CDH13: variants seen among roughly 807,000 people sequenced by gnomAD.
CDH13 encodes the protein cadherin 13, also known as cadherin-13.
Under a neutral mutation model 63.8 loss-of-function variants are expected in CDH13, and 24 were observed. The ratio of observed to expected loss-of-function variants is 0.38; its 90% CI spans 0.27 to 0.53. The LOEUF is 0.53. CDH13 is among the 20% of genes least tolerant of loss of function. The pLI is 0.85. For synonymous variants in CDH13, 503 were observed against 355.3 expected, an observed-to-expected ratio of 1.42 and a Z score of -4.67; for missense variants, 1,049 against 903.1, an observed-to-expected ratio of 1.16 and a Z score of -2.07.
intron 2 of CDH13, among the ~76,000 whole-genome samples, chr16:82,964,077 G>C (rs897166253): frequency 6.6e-6 from 1 of 152,156 alleles, no homozygotes; most frequent in African/African-American, 2.4e-5. Flanking sequence ...GATTTGTACA[G>C]TATGACCCTC....
intron 6 of CDH13, among the ~76,000 whole-genome samples, chr16:83,461,522 C>T (rs946992157): frequency 2.6e-5 from 4 of 152,166 alleles, no homozygotes; most frequent in Non-Finnish European, 4.4e-5. Context: ...GTGAGACCCC[C>T]GCCTTTGTTA....
At chr16:83,417,067 G>A (rs1031307267) in intron 6 of CDH13, among the ~76,000 whole-genome samples, 3 of 152,064 alleles carry the variant, frequency 2.0e-5, no homozygotes, top group South Asian at 2.1e-4. Flanking sequence ...ACTTATCATG[G>A]GAATGATCCT....
chr16:82,845,969 A>T (rs2039239551), intron 1 of CDH13, among the ~76,000 whole-genome samples: 3 of 152,234 alleles, frequency 2.0e-5, no homozygotes, highest in South Asian at 2.1e-4. Context: ...AATTCCATTT[A>T]GACAAAAATT....
chr16:82,956,748 T>C (rs1419997958), intron 2 of CDH13, among the ~76,000 whole-genome samples: 2 of 152,206 alleles, frequency 1.3e-5, no homozygotes, highest in Non-Finnish European at 2.9e-5. Context: ...TTCTTTCACA[T>C]TGGAAAGTTT....
At chr16:82,663,340 C>T (rs565418186) in intron 1 of CDH13, among the ~76,000 whole-genome samples, 26 of 152,168 alleles carry the variant, frequency 1.7e-4, no homozygotes, top group Admixed American at 1.3e-4. Flanking sequence ...GCATGCAGCA[C>T]CAGGCCCGGC....
chr16:83,370,820 G>A (rs140788265), intron 6 of CDH13, among the ~76,000 whole-genome samples: 1,788 of 152,282 alleles, frequency 0.012, 51 homozygotes, highest in Non-Finnish European at 8.9e-3. Context: ...TTGTATAGCT[G>A]TGTAGTATTC....
intron 7 of CDH13, among the ~76,000 whole-genome samples, chr16:83,593,664 T>C (rs1402605154): frequency 6.6e-6 from 1 of 152,108 alleles, no homozygotes; most frequent in Non-Finnish European, 1.5e-5. Context: ...TATGCAATAA[T>C]ATGTAATCAT....
chr16:83,013,652 C>G (rs1440354558), intron 2 of CDH13, among the ~76,000 whole-genome samples: 2 of 152,192 alleles, frequency 1.3e-5, no homozygotes, highest in African/African-American at 2.4e-5. Flanking sequence ...CTTGTCTATT[C>G]CTCAGAGTTA....
intron 3 of CDH13, among the ~76,000 whole-genome samples, chr16:83,090,372 G>A (rs184762201): frequency 1.2e-4 from 19 of 152,072 alleles, no homozygotes; most frequent in South Asian, 4.2e-4. Flanking sequence ...TCAGGAGTTG[G>A]AGACCAGCCC....
In CDH13 at chr16:83,270,543, T is replaced by A. The variant is rs111424441; in HGVS notation, c.636+53046T>A. ...AATGTCGGTATCCATGGAAAAGACA[T>A]GAGTATGCAAACACCTGAGTGCACG... is the stretch of plus-strand genomic sequence containing the variant. On this transcript the variant is annotated intron_variant, in intron 5 of 13. Coordinates refer to ENST00000567109, the MANE Select transcript of CDH13 (RefSeq NM_001257.5). 5.6e-3 allele frequency among the ~76,000 whole-genome samples: 858 copies of A among 152,282 alleles called. 11 individuals are homozygous for A. The highest frequency in any genetic ancestry group is 0.019 in the African/African-American group (779 of 41,550).
chr16:82,895,579 C>A (rs538086572), intron 2 of CDH13, among the ~76,000 whole-genome samples: 4 of 152,132 alleles, frequency 2.6e-5, no homozygotes, highest in African/African-American at 9.6e-5. Flanking sequence ...ATATTATGCG[C>A]TGTATGGGTT....
Position 83,670,906 on chromosome 16 carries a change from C to G in CDH13, c.1218C>G (p.Asn406Lys). 1 of 1,613,118 alleles carries G rather than the reference C, an allele frequency of 6.2e-7. No homozygotes were observed. The highest frequency in any genetic ancestry group is 8.5e-7 in the Non-Finnish European group (1 of 1,179,268). Residue 406 changes from asparagine (N) to lysine (K), a missense_variant, in exon 9 of 14, where the codon AAC becomes AAG. By Grantham distance (94) the Asn-to-Lys change is moderately conservative. Transcript: ENST00000567109. ...CTGCCTACACCATCATCAACGGAAA[C>G]CCCGGGCAGAGCTTTGAAATCCACA... ...WRAAYTIING[N>K]PGQSFEIHTN...
chr16:83,279,780 T>C (rs925291495), intron 5 of CDH13, among the ~76,000 whole-genome samples: 10 of 151,812 alleles, frequency 6.6e-5, no homozygotes, highest in Non-Finnish European at 1.3e-4. Flanking sequence ...AGCTCAGAGA[T>C]ATCAAAGGTT....
intron 11 of CDH13, among the ~76,000 whole-genome samples, chr16:83,760,069 A>G (rs1291761906): frequency 6.6e-6 from 1 of 152,238 alleles, no homozygotes; most frequent in Non-Finnish European, 1.5e-5. Context: ...GTATGAAAAG[A>G]TGCTCAACTT....
chr16:82,900,648 G>C (rs1462815152), intron 2 of CDH13, among the ~76,000 whole-genome samples: 1 of 152,186 alleles, frequency 6.6e-6, no homozygotes, highest in Non-Finnish European at 1.5e-5. Context: ...GAGAGAAACA[G>C]AGTAATTGAT....
intron 1 of CDH13, among the ~76,000 whole-genome samples, chr16:82,715,435 G>A (rs987593692): frequency 1.3e-5 from 2 of 152,104 alleles, no homozygotes; most frequent in Admixed American, 6.6e-5. Flanking sequence ...TGAAGAGTAG[G>A]TTCTGCTTTA....
chr16:83,584,486 A>G (rs796762601), intron 7 of CDH13, among the ~76,000 whole-genome samples: 3 of 152,318 alleles, frequency 2.0e-5, no homozygotes, highest in African/African-American at 7.2e-5. Flanking sequence ...TGGAAATTTT[A>G]GTAAAGGCTT....
intron 10 of CDH13, among the ~76,000 whole-genome samples, chr16:83,720,686 A>G (rs1909575066): frequency 6.6e-6 from 1 of 152,136 alleles, no homozygotes; most frequent in African/African-American, 2.4e-5. Context: ...AGGGTGCCAG[A>G]CACCTTTGCC....
rs114130876 is a variant in CDH13, at chr16:82,971,903, C to T, written c.158-60107C>T. ...GCATGGCCTGTACCCTTGTTTGCAG[C>T]GATTACTCTGCTCAGAGGAGGATGA... On this transcript the variant is annotated intron_variant, in intron 2 of 13. Coordinates refer to ENST00000567109, the MANE Select transcript of CDH13 (RefSeq NM_001257.5). Among the ~76,000 whole-genome samples the T allele has an allele frequency of 8.0e-3, 1,218 of 152,218 alleles. 13 individuals are homozygous for T. Among genetic ancestry groups the T allele is most frequent in the African/African-American group, 0.028 (1,171 of 41,522 alleles).
Sources: allele counts gnomAD v4.1 joint callset (sites outside exome capture counted in the v4.1 genomes callset), GRCh38; gene constraint gnomAD v4.1.1; transcripts MANE v1.5; gene names NCBI Gene and HGNC (gene_info 2026-07-23, HGNC 2026-07-21).